The following EPS8 variants were observed in gnomAD, a reference collection of about 807,000 sequenced individuals.
EPS8 encodes epidermal growth factor receptor kinase substrate 8.
In EPS8, 42 loss-of-function variants were observed where a neutral mutation model predicts 103.8. That is an observed-to-expected ratio of 0.40 (90% CI 0.32 to 0.52). EPS8 has a LOEUF of 0.52. Among genes scored for constraint, EPS8 ranks in the 20% least tolerant of loss-of-function variants. The probability of loss-of-function intolerance (pLI) is 0.40; values close to 1 mark genes in which losing one functional copy is unlikely to be tolerated. For missense variants in EPS8, 969 were observed against 1,005.1 expected, an observed-to-expected ratio of 0.96 and a Z score of 0.49; for synonymous variants, 344 against 344.6, an observed-to-expected ratio of 1.00 and a Z score of 0.02.
chr12:15,740,619 A>G (rs1229737986), intron 1 of EPS8, among the ~76,000 whole-genome samples: 1 of 151,938 alleles, frequency 6.6e-6, no homozygotes, highest in Non-Finnish European at 1.5e-5. Flanking sequence ...CCTGAGGCAA[A>G]AAGCTGCTGC....
At chr12:15,756,619 T>C (rs1014318206) in intron 1 of EPS8, among the ~76,000 whole-genome samples, 2 of 152,182 alleles carry the variant, frequency 1.3e-5, no homozygotes, top group Admixed American at 6.5e-5. Flanking sequence ...TATTAGATAC[T>C]AGCATACTTC....
At chr12:15,644,885 G>A (rs918959970) in intron 15 of EPS8, among the ~76,000 whole-genome samples, 3 of 151,980 alleles carry the variant, frequency 2.0e-5, no homozygotes, top group Admixed American at 2.0e-4. Flanking sequence ...GATGACAAAT[G>A]TTCTTAGCAA....
intron 4 of EPS8, among the ~76,000 whole-genome samples, 185 bp from the exon 5 acceptor site, chr12:15,670,010 G>C (rs1190219891): frequency 1.3e-5 from 2 of 151,988 alleles, no homozygotes; most frequent in Non-Finnish European, 2.9e-5. Flanking sequence ...GGTTTTTTTT[G>C]AATAGAAGAA....
At chr12:15,724,330 A>C (rs953991747) in intron 1 of EPS8, among the ~76,000 whole-genome samples, 3 of 152,218 alleles carry the variant, frequency 2.0e-5, no homozygotes, top group Non-Finnish European at 2.9e-5. Context: ...CATATAAACT[A>C]ATTCAGATCA....
Position 15,769,377 on chromosome 12 carries a change from CAAGAAT to C in EPS8, c.-22+19778_-22+19783del, listed in dbSNP as rs1231000244. Among the ~76,000 whole-genome samples, 2 of 151,666 alleles carry C rather than the reference CAAGAAT, an allele frequency of 1.3e-5. No individual in the cohort carries two copies. The highest frequency in any genetic ancestry group is 6.6e-5 in the Admixed American group (1 of 15,250). Reference sequence around the variant, plus strand: ...TGCCACACTTGATATATACATACAACAAGAATAAGAAAAAATAAATGAAAAATGCAT... The same window carrying C: ...TGCCACACTTGATATATACATACAACAAGAAAAAATAAATGAAAAATGCAT... On this transcript the variant is annotated intron_variant, in intron 1 of 20. Coordinates refer to ENST00000281172, the MANE Select transcript of EPS8 (RefSeq NM_004447.6). This position sits in a 1 kb window ranked among gnomAD's most constrained non-coding sequence, Gnocchi z 4.6.
In EPS8 at chr12:15,698,414, C is replaced by T. The variant is rs1194228749; in HGVS notation, c.-21-15442G>A. Among the ~76,000 whole-genome samples the T allele has an allele frequency of 1.3e-5, 2 of 152,112 alleles. No individual in the cohort carries two copies. Among genetic ancestry groups the T allele is most frequent in the Non-Finnish European group, 2.9e-5 (2 of 68,016 alleles). Reference sequence around the variant, plus strand: ...AACAAGCAGTGTCAACTAGACTCCCCAACCCCCGCTCTTTAAGTTAACCTC... The same window carrying T: ...AACAAGCAGTGTCAACTAGACTCCCTAACCCCCGCTCTTTAAGTTAACCTC... On this transcript the variant is annotated intron_variant, in intron 1 of 20. Coordinates refer to ENST00000281172, the MANE Select transcript of EPS8 (RefSeq NM_004447.6). This position sits in a 1 kb window ranked among gnomAD's most constrained non-coding sequence, Gnocchi z 4.9.
At chr12:15,646,246 C>A (rs1945317376) in intron 15 of EPS8, among the ~76,000 whole-genome samples, 1 of 152,056 alleles carries the variant, frequency 6.6e-6, no homozygotes, top group Non-Finnish European at 1.5e-5. Context: ...CCTGTCACCA[C>A]CCCTGACAAA....
At position 15,639,817 on chromosome 12, in the gene EPS8, G is replaced by A. The variant is rs1034234143; in HGVS notation, c.1821+886C>T. 5.3e-5 allele frequency among the ~76,000 whole-genome samples: 8 copies of A among 152,180 alleles called. 1 individual carries two copies. The highest frequency in any genetic ancestry group is 3.3e-4 in the Admixed American group (5 of 15,290). Reference sequence around the variant, plus strand: ...TTAACTATTTCACTGCATATTCTACGCAGCTTCTACTCAAATTCATGACAT... The same window carrying A: ...TTAACTATTTCACTGCATATTCTACACAGCTTCTACTCAAATTCATGACAT... On this transcript the variant is annotated intron_variant, in intron 17 of 20. Coordinates refer to ENST00000281172, the MANE Select transcript of EPS8 (RefSeq NM_004447.6).
At position 15,654,186 on chromosome 12, in the gene EPS8, C is replaced by T. The variant is rs1945466890; in HGVS notation, c.1209G>A (p.Arg403=). The change falls in exon 13 of 21, where the codon CGG becomes CGA. Residue 403 remains arginine (R), a synonymous_variant. Coordinates refer to ENST00000281172, the MANE Select transcript of EPS8 (RefSeq NM_004447.6). ...FLNYTVNGDE[R]QLWMSLGGTW... Reference sequence around the variant, plus strand: ...TTCCTCCCAATGACATCCACAGCTGCCGTTCATCACCATTGACAGTATAAT... The same window carrying T: ...TTCCTCCCAATGACATCCACAGCTGTCGTTCATCACCATTGACAGTATAAT... 1.2e-6 allele frequency: 2 copies of T among 1,613,820 alleles called. No individual in the cohort carries two copies. Among genetic ancestry groups the T allele is most frequent in the Non-Finnish European group, 1.7e-6 (2 of 1,179,802 alleles).
At chr12:15,753,362 C>T (rs529923629) in intron 1 of EPS8, among the ~76,000 whole-genome samples, 7 of 152,238 alleles carry the variant, frequency 4.6e-5, no homozygotes, top group Admixed American at 1.3e-4. Flanking sequence ...TGTAGAATGA[C>T]AAGGTCTTTG....
intron 1 of EPS8, among the ~76,000 whole-genome samples, chr12:15,711,495 C>T (rs1946463782): frequency 6.6e-6 from 1 of 152,134 alleles, no homozygotes; most frequent in Non-Finnish European, 1.5e-5. Context: ...ACTGCAGACA[C>T]AAGGGTATCT....
chr12:15,638,659 A>C (rs1249921720), intron 17 of EPS8, among the ~76,000 whole-genome samples: 1 of 152,264 alleles, frequency 6.6e-6, no homozygotes, highest in Non-Finnish European at 1.5e-5. Flanking sequence ...GTTTCTATTT[A>C]CATAAAGTAG....
At chr12:15,629,399 A>T (rs545003141) in intron 18 of EPS8, among the ~76,000 whole-genome samples, 1 of 152,348 alleles carries the variant, frequency 6.6e-6, no homozygotes, top group Admixed American at 6.5e-5. Flanking sequence ...TACGGAGGGA[A>T]ATGCTATAAA....
At chr12:15,681,328 A>AATAATC in intron 2 of EPS8, 26 bp from the exon 3 acceptor site, 1 of 991,312 alleles carries the variant, frequency 1.0e-6, no homozygotes, top group Non-Finnish European at 1.4e-6. Flanking sequence ...TAATAATAAT[A>AATAATC]ATAATAATAT....
chr12:15,624,221 ACT>A lies in EPS8; in HGVS notation c.2225+4_2225+5del, dbSNP rs1443737438. The A allele has an allele frequency of 1.2e-6, 2 of 1,611,174 alleles. No individual in the cohort carries two copies. The highest frequency in any genetic ancestry group is 1.7e-6 in the Non-Finnish European group (2 of 1,178,290). ...AGAATTGCAAAGTATTCACAGAGAGACTCACACAGGGTTGAATCCCTTTGACT... is the reference window on the plus strand; with the variant it reads ...AGAATTGCAAAGTATTCACAGAGAGACACACAGGGTTGAATCCCTTTGACT... On this transcript the variant is annotated splice_donor_5th_base_variant and intron_variant, in intron 19 of 20. Transcript: ENST00000281172.
intron 1 of EPS8, among the ~76,000 whole-genome samples, chr12:15,741,992 C>T (rs558208443): frequency 2.5e-4 from 38 of 152,158 alleles, no homozygotes; most frequent in Non-Finnish European, 4.7e-4. Flanking sequence ...CGATAGTTTG[C>T]TCAGAATTAT....
Position 15,759,682 on chromosome 12 carries a change from G to A in EPS8, c.-22+29479C>T, listed in dbSNP as rs2136028921. 6.6e-6 allele frequency among the ~76,000 whole-genome samples: 1 copy of A among 152,010 alleles called. No individual in the cohort carries two copies. The highest frequency in any genetic ancestry group is 2.1e-4 in the South Asian group (1 of 4,826). Reference sequence around the variant, plus strand: ...AAGAGAAATTTTGGAAAATATACTAGTACAAGGAAATTAAACAATATGCTC... The same window carrying A: ...AAGAGAAATTTTGGAAAATATACTAATACAAGGAAATTAAACAATATGCTC... On this transcript the variant is annotated intron_variant, in intron 1 of 20. Transcript: ENST00000281172. This position sits in a 1 kb window ranked among gnomAD's most constrained non-coding sequence, Gnocchi z 4.9.
At chr12:15,750,168 C>A (rs1488510754) in intron 1 of EPS8, among the ~76,000 whole-genome samples, 1 of 152,158 alleles carries the variant, frequency 6.6e-6, no homozygotes, top group African/African-American at 2.4e-5. Context: ...TTTGCCACGG[C>A]CCTGCCCTAA....
In EPS8 at chr12:15,631,284, C is replaced by G. The variant is rs7954231; in HGVS notation, c.2044+158G>C. On this transcript the variant is annotated intron_variant, in intron 18 of 20. Transcript: ENST00000281172. ...GAATACTTCCTGTTTCTCAGAACTA[C>G]GTAGCTGATGAGAAACCAGGTGAAA... Among the ~76,000 whole-genome samples, 9,866 of 152,210 alleles carry G rather than the reference C, an allele frequency of 0.065. 642 individuals carry two copies. Among genetic ancestry groups the G allele is most frequent in the African/African-American group, 0.18 (7,292 of 41,496 alleles).
Sources: allele counts gnomAD v4.1 joint callset (sites outside exome capture counted in the v4.1 genomes callset), GRCh38; gene constraint gnomAD v4.1.1; non-coding constraint Gnocchi (gnomAD v3.1); transcripts MANE v1.5; gene names NCBI Gene and HGNC (gene_info 2026-07-23, HGNC 2026-07-21).